CCDC7: variants seen among roughly 807,000 people sequenced by gnomAD.
CCDC7 encodes coiled-coil domain containing 7, also known as coiled-coil domain-containing protein 7.
Under a neutral mutation model 196.9 loss-of-function variants are expected in CCDC7, and 183 were observed. That is an observed-to-expected ratio of 0.93 (90% CI 0.82 to 1.05). The LOEUF is 1.05. Ranked by LOEUF, CCDC7 falls within the 50% of genes least tolerant of loss-of-function variation. The pLI is 0.00. For missense variants in CCDC7, 1,540 were observed against 1,482.2 expected, an observed-to-expected ratio of 1.04 and a Z score of -0.64; for synonymous variants, 525 against 484.6, an observed-to-expected ratio of 1.08 and a Z score of -1.10.
intron 41 of CCDC7, among the ~76,000 whole-genome samples, chr10:32,872,340 A>G (rs1032652230): frequency 6.6e-6 from 1 of 151,710 alleles, no homozygotes; most frequent in Non-Finnish European, 1.5e-5. Context: ...TTGTTGGTTT[A>G]TCAGAGACTA....
chr10:32,497,039 C>T (rs943436611), intron 9 of CCDC7, among the ~76,000 whole-genome samples: 6 of 152,112 alleles, frequency 3.9e-5, no homozygotes, highest in Non-Finnish European at 7.4e-5. Context: ...TTTTGGTTGG[C>T]AGGCTATTAA....
At chr10:32,611,291 G>A (rs571823249) in intron 18 of CCDC7, among the ~76,000 whole-genome samples, 21 of 152,144 alleles carry the variant, frequency 1.4e-4, no homozygotes, top group Non-Finnish European at 2.2e-4. Context: ...TTGTAAATTT[G>A]TTTAAGTTCC....
chr10:32,821,530 C>T (rs1201537779), intron 31 of CCDC7, among the ~76,000 whole-genome samples: 2 of 152,124 alleles, frequency 1.3e-5, no homozygotes, highest in Non-Finnish European at 2.9e-5. Flanking sequence ...TATTGCGGCA[C>T]TATTCACAAT....
intron 20 of CCDC7, among the ~76,000 whole-genome samples, chr10:32,639,923 T>A (rs543579510): frequency 6.6e-6 from 1 of 152,272 alleles, no homozygotes; most frequent in East Asian, 1.9e-4. Flanking sequence ...GACCAATTTC[T>A]GTTGTTTTAC....
chr10:32,564,613 G>T (rs2056438061), intron 13 of CCDC7, among the ~76,000 whole-genome samples: 1 of 150,214 alleles, frequency 6.7e-6, no homozygotes. Flanking sequence ...AGAACACATG[G>T]ACACAGGAAG....
intron 29 of CCDC7, among the ~76,000 whole-genome samples, chr10:32,800,272 A>T (rs2095555): frequency 0.14 from 20,988 of 152,104 alleles, 1,685 homozygotes; most frequent in East Asian, 0.33. Flanking sequence ...GATGTATGAT[A>T]TTTCTAGGTA....
At chr10:32,748,133 TTC>T (rs2075099930) in intron 28 of CCDC7, among the ~76,000 whole-genome samples, 1 of 152,162 alleles carries the variant, frequency 6.6e-6, no homozygotes, top group African/African-American at 2.4e-5. Context: ...ATACCACATG[TTC>T]TCACTTATAA....
At chr10:32,516,674 T>C (rs905817087) in intron 9 of CCDC7, among the ~76,000 whole-genome samples, 1 of 152,178 alleles carries the variant, frequency 6.6e-6, no homozygotes, top group Non-Finnish European at 1.5e-5. Context: ...GACAACGCAA[T>C]GATTTGTTGG....
intron 9 of CCDC7, among the ~76,000 whole-genome samples, chr10:32,500,572 C>T (rs933732672): frequency 5.5e-5 from 8 of 144,732 alleles, no homozygotes; most frequent in Admixed American, 1.4e-4. Context: ...ACTGGGCGGC[C>T]GGGCAGAGGG....
At chr10:32,811,468 T>TAATG (rs1163252490) in intron 30 of CCDC7, among the ~76,000 whole-genome samples, 1 of 152,134 alleles carries the variant, frequency 6.6e-6, no homozygotes, top group East Asian at 1.9e-4. Flanking sequence ...AAAATCTGGT[T>TAATG]AATGGGTACT....
At chr10:32,873,948 A>T (rs1278039787) in intron 41 of CCDC7, among the ~76,000 whole-genome samples, 1 of 151,798 alleles carries the variant, frequency 6.6e-6, no homozygotes, top group Non-Finnish European at 1.5e-5. Flanking sequence ...TTGATATTTT[A>T]AAATGAGAAA....
chr10:32,607,824 T>A (rs2061692253), intron 18 of CCDC7, among the ~76,000 whole-genome samples: 1 of 152,192 alleles, frequency 6.6e-6, no homozygotes, highest in South Asian at 2.1e-4. Flanking sequence ...ATCAAGGACT[T>A]CATAAAGTGA....
intron 25 of CCDC7, 125 bp downstream of exon 26, chr10:32,711,855 C>T (rs2080893982): frequency 4.2e-6 from 2 of 478,234 alleles, no homozygotes; most frequent in South Asian, 4.0e-5. Context: ...TCTGTAAATA[C>T]TCTAACATAA....
chr10:32,478,694 A>G (rs994002875), intron 8 of CCDC7, among the ~76,000 whole-genome samples: 1 of 152,118 alleles, frequency 6.6e-6, no homozygotes, highest in Non-Finnish European at 1.5e-5. Context: ...ACATTTATGT[A>G]TGTGATTTGC....
intron 18 of CCDC7, among the ~76,000 whole-genome samples, chr10:32,585,606 T>A (rs546345491): frequency 6.6e-6 from 1 of 152,138 alleles, no homozygotes; most frequent in Non-Finnish European, 1.5e-5. Flanking sequence ...CTCCCACTTA[T>A]GATTGAGAAC....
chr10:32,871,587 T>G (rs1565775487), intron 41 of CCDC7, among the ~76,000 whole-genome samples: 1 of 151,716 alleles, frequency 6.6e-6, no homozygotes, highest in Non-Finnish European at 1.5e-5. Flanking sequence ...GGGTTTTTTG[T>G]GTCTCTATTT....
chr10:32,477,956 T>C (rs1031211649), intron 8 of CCDC7, among the ~76,000 whole-genome samples: 1 of 152,208 alleles, frequency 6.6e-6, no homozygotes, highest in African/African-American at 2.4e-5. Context: ...TATTGTATCT[T>C]TCATTCTATG....
intron 30 of CCDC7, among the ~76,000 whole-genome samples, chr10:32,806,303 T>A (rs954235369): frequency 2.6e-5 from 4 of 152,150 alleles, no homozygotes; most frequent in African/African-American, 9.7e-5. Context: ...ATGTCTAAAA[T>A]GTCCAGTTTT....
At chr10:32,445,892 C>T (rs1379021940), upstream of CCDC7, among the ~76,000 whole-genome samples, 1 of 152,248 alleles carries the variant, frequency 6.6e-6, no homozygotes, top group African/African-American at 2.4e-5. Context: ...TTTATTTCTC[C>T]TCCGCGGGCC....
Sources: allele counts gnomAD v4.1 joint callset (sites outside exome capture counted in the v4.1 genomes callset), GRCh38; gene constraint gnomAD v4.1.1; transcripts MANE v1.5; gene names NCBI Gene and HGNC (gene_info 2026-07-23, HGNC 2026-07-21).